KHDRBS2: variants seen among roughly 807,000 people sequenced by gnomAD.
KHDRBS2 encodes KH RNA binding domain containing, signal transduction associated 2.
KHDRBS2 carries 26 observed loss-of-function variants against 44.3 expected under a neutral mutation model. The observed-to-expected ratio is 0.59, with a 90% CI of 0.43 to 0.81. The LOEUF (loss-of-function observed/expected upper bound fraction) is 0.81, where lower values mean the gene tolerates loss of function less well. Ranked by LOEUF, KHDRBS2 falls within the 40% of genes least tolerant of loss-of-function variation. The pLI is 0.00. For synonymous variants in KHDRBS2, 194 were observed against 151.1 expected (o/e 1.28, Z -2.08); for missense variants, 476 against 433.1 (o/e 1.10, Z -0.88).
the KHDRBS2 span, among the ~76,000 whole-genome samples, chr6:61,631,564 T>C: frequency 6.6e-6 from 1 of 152,130 alleles, no homozygotes; most frequent in Non-Finnish European, 1.5e-5. Context: ...AGAGATGAGT[T>C]GGTATTGTGT....
intron 1 of KHDRBS2, among the ~76,000 whole-genome samples, chr6:62,257,431 T>C (rs1395107354): frequency 3.3e-5 from 5 of 152,108 alleles, no homozygotes; most frequent in African/African-American, 2.4e-5. Flanking sequence ...ATATTTGAAA[T>C]AAATAACAGA....
chr6:62,020,060 T>C lies in KHDRBS2; in HGVS notation c.336+27818A>G, dbSNP rs141282330. On this transcript the variant is annotated intron_variant, in intron 3 of 8. Coordinates refer to ENST00000281156, the MANE Select transcript of KHDRBS2 (RefSeq NM_152688.4). Reference sequence around the variant, plus strand: ...TACATAAAGTATATGTTTAATGCTATGAAGTTCCACCTAAATTTGATTTAG... The same window carrying C: ...TACATAAAGTATATGTTTAATGCTACGAAGTTCCACCTAAATTTGATTTAG... 4.9e-3 allele frequency among the ~76,000 whole-genome samples: 740 copies of C among 152,078 alleles called. 3 individuals are homozygous for C. Among genetic ancestry groups the C allele is most frequent in the South Asian group, 6.2e-3 (30 of 4,830 alleles).
At chr6:61,916,990 G>A (rs1452381803) in intron 4 of KHDRBS2, among the ~76,000 whole-genome samples, 1 of 28,746 alleles carries the variant, frequency 3.5e-5, no homozygotes, top group Admixed American at 3.0e-4. Flanking sequence ...TTTTTTTTTT[G>A]CTGGTGGGGA....
chr6:61,748,502 C>T (rs924045553), intron 6 of KHDRBS2, among the ~76,000 whole-genome samples: 1 of 152,142 alleles, frequency 6.6e-6, no homozygotes. Flanking sequence ...TTAAGTTTCA[C>T]ATAAGATGTC....
At chr6:62,168,087 A>G (rs1041696821) in intron 2 of KHDRBS2, among the ~76,000 whole-genome samples, 2 of 152,112 alleles carry the variant, frequency 1.3e-5, no homozygotes, top group Non-Finnish European at 2.9e-5. Context: ...GAATAAGAAG[A>G]AGTATAGAGC....
intron 6 of KHDRBS2, among the ~76,000 whole-genome samples, chr6:61,803,777 G>C (rs1370195284): frequency 2.6e-5 from 4 of 152,112 alleles, no homozygotes; most frequent in African/African-American, 9.7e-5. Flanking sequence ...GCAGGAGAGA[G>C]AAGTGCAGAG....
At chr6:62,260,353 G>A (rs1423205771) in intron 1 of KHDRBS2, among the ~76,000 whole-genome samples, 1 of 151,978 alleles carries the variant, frequency 6.6e-6, no homozygotes, top group African/African-American at 2.4e-5. Flanking sequence ...TGGAAGGGTA[G>A]AATGACCTTT....
chr6:61,907,948 C>T (rs767373429), intron 4 of KHDRBS2, among the ~76,000 whole-genome samples: 1 of 152,112 alleles, frequency 6.6e-6, no homozygotes, highest in Non-Finnish European at 1.5e-5. Context: ...AGCTTGGAAA[C>T]ATTATCATCA....
intron 6 of KHDRBS2, among the ~76,000 whole-genome samples, chr6:61,838,085 A>G (rs750750579): frequency 1.3e-5 from 2 of 152,040 alleles, no homozygotes; most frequent in Non-Finnish European, 2.9e-5. Flanking sequence ...CACTAATTTA[A>G]TCAAATTCTT....
intron 6 of KHDRBS2, among the ~76,000 whole-genome samples, chr6:61,811,676 C>G (rs759898877): frequency 2.4e-4 from 37 of 152,026 alleles, no homozygotes; most frequent in Admixed American, 4.6e-4. Flanking sequence ...TTCTTGATAT[C>G]TCAGCTTCAA....
intron 6 of KHDRBS2, among the ~76,000 whole-genome samples, chr6:61,766,552 G>C (rs1562123378): frequency 6.6e-6 from 1 of 151,836 alleles, no homozygotes; most frequent in African/African-American, 2.4e-5. Context: ...TGCATTGTGA[G>C]GGTGCTTATT....
chr6:61,712,780 A>G (rs778285635), intron 7 of KHDRBS2, among the ~76,000 whole-genome samples: 4 of 151,830 alleles, frequency 2.6e-5, no homozygotes, highest in Middle Eastern at 3.2e-3. Flanking sequence ...TAGTAGTAGT[A>G]ACGTTCTACC....
At chr6:62,024,769 T>A (rs1335012716) in intron 3 of KHDRBS2, among the ~76,000 whole-genome samples, 2 of 151,682 alleles carry the variant, frequency 1.3e-5, no homozygotes, top group Non-Finnish European at 3.0e-5. Context: ...TTCATCATTC[T>A]ATTTCATTGT....
chr6:62,048,041 TG>T (rs1359623594), intron 2 of KHDRBS2, 47 bp from the exon 3 acceptor site: 1 of 1,069,676 alleles, frequency 9.3e-7, no homozygotes, highest in South Asian at 1.2e-5. Context: ...TACAATAAAG[TG>T]ATTATTTGCA....
At chr6:62,248,807 G>A (rs1046095728) in intron 1 of KHDRBS2, among the ~76,000 whole-genome samples, 1 of 152,076 alleles carries the variant, frequency 6.6e-6, no homozygotes, top group Non-Finnish European at 1.5e-5. Flanking sequence ...AAGTAAACAT[G>A]CTGTACCATT....
intron 6 of KHDRBS2, among the ~76,000 whole-genome samples, chr6:61,792,564 G>A (rs531354455): frequency 2.9e-4 from 44 of 151,478 alleles, no homozygotes; most frequent in African/African-American, 9.7e-4. Flanking sequence ...AGAGTATATC[G>A]TTGTAGAGTG....
At chr6:61,697,428 G>C (rs189891236) in intron 7 of KHDRBS2, among the ~76,000 whole-genome samples, 175 bp from the exon 8 acceptor site, 166 of 151,966 alleles carry the variant, frequency 1.1e-3, no homozygotes, top group African/African-American at 3.9e-3. Context: ...TTGACAAGGA[G>C]TGCTATGATT....
chr6:62,136,047 G>T (rs1431813825), intron 2 of KHDRBS2, among the ~76,000 whole-genome samples: 1 of 149,840 alleles, frequency 6.7e-6, no homozygotes, highest in Non-Finnish European at 1.5e-5. Context: ...TAGATTTTAG[G>T]TATTCTCACC....
At chr6:62,021,960 C>T (rs1782412229) in intron 3 of KHDRBS2, among the ~76,000 whole-genome samples, 1 of 44,378 alleles carries the variant, frequency 2.3e-5, no homozygotes, top group Admixed American at 3.2e-4. Flanking sequence ...TACATATACA[C>T]TGTACATATA....
Sources: gnomAD v4.1 joint callset for allele counts (sites outside exome capture counted in the v4.1 genomes callset) on GRCh38, gnomAD v4.1.1 for gene constraint, MANE v1.5 for transcripts, NCBI Gene and HGNC (gene_info 2026-07-23, HGNC 2026-07-21) for gene names.